The following LINGO2 variants were observed in gnomAD, a reference collection of about 807,000 sequenced individuals.
LINGO2 encodes the protein leucine-rich repeat and immunoglobulin-like domain-containing nogo receptor-interacting protein 2.
Under a neutral mutation model 30.6 loss-of-function variants are expected in LINGO2, and 14 were observed. The ratio of observed to expected loss-of-function variants is 0.46; its 90% CI spans 0.30 to 0.72. The LOEUF is 0.72. LINGO2 is among the 30% of genes least tolerant of loss of function. The probability of loss-of-function intolerance (pLI) is 0.07; values close to 1 mark genes in which losing one functional copy is unlikely to be tolerated. For synonymous variants in LINGO2, 317 were observed against 288.5 expected, an observed-to-expected ratio of 1.10 and a Z score of -1.00; for missense variants, 729 against 751.7, an observed-to-expected ratio of 0.97 and a Z score of 0.35.
chr9:28,085,699 G>GGC (rs1411890793), intron 4 of LINGO2, among the ~76,000 whole-genome samples: 9 of 151,988 alleles, frequency 5.9e-5, no homozygotes, highest in African/African-American at 1.7e-4. Context: ...AAGGAGGGTA[G>GGC]GCATCTCATT....
chr9:29,001,327 A>C, the LINGO2 span, among the ~76,000 whole-genome samples: 2 of 151,970 alleles, frequency 1.3e-5, no homozygotes, highest in Non-Finnish European at 2.9e-5. Context: ...AACACACTAT[A>C]ATACAATTTT....
chr9:29,139,981 G>A, the LINGO2 span, among the ~76,000 whole-genome samples: 1 of 151,864 alleles, frequency 6.6e-6, no homozygotes, highest in Non-Finnish European at 1.5e-5. Flanking sequence ...AAAAGAAACT[G>A]GCAAAAATCT....
intron 5 of LINGO2, among the ~76,000 whole-genome samples, chr9:27,981,560 G>GAAAAAAAAAGAAAAAAAAA (rs1820871431): frequency 1.1e-5 from 1 of 87,326 alleles, no homozygotes; most frequent in Non-Finnish European, 2.3e-5. Flanking sequence ...AGAAAAAAAA[G>GAAAAAAAAAGAAAAAAAAA]AAAAAAAAAG....
the LINGO2 span, among the ~76,000 whole-genome samples, chr9:28,708,471 T>A: frequency 3.9e-5 from 6 of 152,012 alleles, no homozygotes; most frequent in Non-Finnish European, 7.4e-5. Context: ...TACCTGAAAC[T>A]GTATAAGCAG....
the LINGO2 span, among the ~76,000 whole-genome samples, chr9:29,073,450 C>A: frequency 1.3e-5 from 2 of 152,044 alleles, no homozygotes; most frequent in Non-Finnish European, 2.9e-5. Flanking sequence ...CAACCTGCCA[C>A]CTGTTTTCCA....
At chr9:28,146,009 A>G (rs1315380798) in intron 4 of LINGO2, among the ~76,000 whole-genome samples, 1 of 152,228 alleles carries the variant, frequency 6.6e-6, no homozygotes, top group African/African-American at 2.4e-5. Flanking sequence ...GGGAAGGGCC[A>G]CAGTTGTACA....
the LINGO2 span, among the ~76,000 whole-genome samples, chr9:29,195,137 T>C: frequency 1.6e-4 from 25 of 152,182 alleles, no homozygotes; most frequent in Admixed American, 1.6e-3. Flanking sequence ...TGTAAACTTT[T>C]GAGATTGGCT....
intron 1 of LINGO2, among the ~76,000 whole-genome samples, chr9:28,654,309 G>A (rs1828240921): frequency 6.6e-6 from 1 of 152,028 alleles, no homozygotes; most frequent in Non-Finnish European, 1.5e-5. Context: ...GCAAGCAAAA[G>A]CAATTCATGT....
At chr9:28,185,067 C>T (rs766031042) in intron 4 of LINGO2, among the ~76,000 whole-genome samples, 19 of 152,152 alleles carry the variant, frequency 1.2e-4, no homozygotes, top group Non-Finnish European at 1.8e-4. Flanking sequence ...AAAGGCCCAG[C>T]TACACTGAAA....
chr9:28,004,720 A>C (rs1822173812), intron 5 of LINGO2, among the ~76,000 whole-genome samples: 1 of 152,180 alleles, frequency 6.6e-6, no homozygotes, highest in Admixed American at 6.5e-5. Context: ...AGAGAAAGCA[A>C]AATTGGGCTG....
chr9:28,456,704 C>A (rs79405712), intron 2 of LINGO2, among the ~76,000 whole-genome samples: 3,207 of 152,142 alleles, frequency 0.021, 109 homozygotes, highest in African/African-American at 0.071. Context: ...ACGCATGACA[C>A]AAACTGAACA....
chr9:28,432,977 A>G (rs911820864), intron 2 of LINGO2, among the ~76,000 whole-genome samples: 5 of 152,144 alleles, frequency 3.3e-5, no homozygotes, highest in African/African-American at 7.2e-5. Context: ...AAATGACAGT[A>G]GTAAGACAAC....
the LINGO2 span, among the ~76,000 whole-genome samples, chr9:28,881,723 G>T: frequency 1.3e-5 from 2 of 151,378 alleles, no homozygotes; most frequent in Non-Finnish European, 2.9e-5. Context: ...ATGGTGGTTT[G>T]TTGCACAGAT....
At chr9:28,327,178 CT>C (rs1825260751) in intron 3 of LINGO2, among the ~76,000 whole-genome samples, 1 of 152,108 alleles carries the variant, frequency 6.6e-6, no homozygotes, top group African/African-American at 2.4e-5. Context: ...GACACTCATT[CT>C]GCTGCTGCCT....
chr9:28,122,688 G>A (rs1380213246), intron 4 of LINGO2, among the ~76,000 whole-genome samples: 1 of 152,146 alleles, frequency 6.6e-6, no homozygotes, highest in African/African-American at 2.4e-5. Context: ...CAGGATGATG[G>A]TGACTTAGAC....
intron 4 of LINGO2, among the ~76,000 whole-genome samples, chr9:28,039,910 G>A (rs12379046): frequency 0.063 from 9,661 of 152,152 alleles, 404 homozygotes; most frequent in Non-Finnish European, 0.095. Flanking sequence ...TATACTGGAG[G>A]ATCAGCTCCA....
the LINGO2 span, among the ~76,000 whole-genome samples, chr9:28,751,042 T>A: frequency 0.021 from 3,175 of 151,838 alleles, 130 homozygotes; most frequent in African/African-American, 0.072. Context: ...AGGTAGGAGA[T>A]TCGCTTGAGA....
At chr9:28,955,730 G>C in the LINGO2 span, among the ~76,000 whole-genome samples, 1 of 152,034 alleles carries the variant, frequency 6.6e-6, no homozygotes, top group African/African-American at 2.4e-5. Flanking sequence ...ACCATAATAG[G>C]GAATTGCCAC....
intron 2 of LINGO2, among the ~76,000 whole-genome samples, chr9:28,400,117 G>A (rs921777454): frequency 2.0e-5 from 3 of 152,164 alleles, no homozygotes; most frequent in Admixed American, 6.6e-5. Flanking sequence ...GAAGCAGACA[G>A]AGTGACTCTA....
Sources: allele counts gnomAD v4.1 joint callset (sites outside exome capture counted in the v4.1 genomes callset), GRCh38; gene constraint gnomAD v4.1.1; transcripts MANE v1.5; gene names NCBI Gene and HGNC (gene_info 2026-07-23, HGNC 2026-07-21).